The following ARMH3 variants were observed in gnomAD, a reference collection of about 807,000 sequenced individuals.
The protein encoded by ARMH3 is armadillo-like helical domain-containing protein 3.
A neutral mutation model predicts 99.1 loss-of-function variants in ARMH3; 60 were observed. That is an observed-to-expected ratio of 0.61 (90% CI 0.49 to 0.75). The LOEUF (loss-of-function observed/expected upper bound fraction) is 0.75, where lower values mean the gene tolerates loss of function less well. Among genes scored for constraint, ARMH3 ranks in the 30% least tolerant of loss-of-function variants. The probability of loss-of-function intolerance (pLI) is 0.00; values close to 1 mark genes in which losing one functional copy is unlikely to be tolerated. For synonymous variants in ARMH3, 285 were observed against 292.8 expected (o/e 0.97, Z 0.27); for missense variants, 679 against 843.1 (o/e 0.81, Z 2.41).
intron 24 of ARMH3, among the ~76,000 whole-genome samples, chr10:101,879,841 T>C (rs2067366593): frequency 6.6e-6 from 1 of 152,192 alleles, no homozygotes; most frequent in Non-Finnish European, 1.5e-5. Flanking sequence ...AGCACATCAT[T>C]GTTCAGCTGA....
At chr10:101,877,371 A>T (rs191285360) in intron 24 of ARMH3, among the ~76,000 whole-genome samples, 2,778 of 152,176 alleles carry the variant, frequency 0.018, 73 homozygotes, top group African/African-American at 0.062. Flanking sequence ...TCAAAAAAAA[A>T]TTTTTTTAGG....
intron 23 of ARMH3, among the ~76,000 whole-genome samples, chr10:101,892,320 G>T (rs2067713219): frequency 6.6e-6 from 1 of 152,120 alleles, no homozygotes; most frequent in Non-Finnish European, 1.5e-5. Flanking sequence ...AGGGCCAGGT[G>T]TGGTGGCATT....
chr10:102,018,783 C>T (rs895253445), intron 8 of ARMH3, among the ~76,000 whole-genome samples: 2 of 152,008 alleles, frequency 1.3e-5, no homozygotes, highest in African/African-American at 4.8e-5. Flanking sequence ...TGGTGAACTC[C>T]ATCTCTATCA....
intron 23 of ARMH3, among the ~76,000 whole-genome samples, chr10:101,933,248 T>A (rs1276357201): frequency 6.6e-6 from 1 of 151,994 alleles, no homozygotes; most frequent in Non-Finnish European, 1.5e-5. Flanking sequence ...TCACAAGTAA[T>A]AAAAAATAGG....
intron 20 of ARMH3, among the ~76,000 whole-genome samples, chr10:101,967,546 G>A (rs570605581): frequency 2.0e-5 from 3 of 152,248 alleles, no homozygotes; most frequent in South Asian, 2.1e-4. Flanking sequence ...AGACCAGCCC[G>A]GCCAACATGG....
rs889658012 is a variant in ARMH3 at position 101,854,415 on chromosome 10, C to T, written c.1861-4523G>A. On this transcript the variant is annotated intron_variant, in intron 24 of 25. Coordinates refer to ENST00000370033, the MANE Select transcript of ARMH3 (RefSeq NM_024541.3). ...CTCAAAAGTAACTACTTTCACAGTCCAGGAAGTACCTACCTATTTCAAACT... is the reference window on the plus strand; with the variant it reads ...CTCAAAAGTAACTACTTTCACAGTCTAGGAAGTACCTACCTATTTCAAACT... Among the ~76,000 whole-genome samples, 4 of 152,158 alleles carry T rather than the reference C, an allele frequency of 2.6e-5. No homozygotes were observed. The East Asian group carries it at 7.7e-4, about 29-fold the overall frequency.
At chr10:102,017,555 G>C (rs1171056509) in intron 8 of ARMH3, among the ~76,000 whole-genome samples, 1 of 152,164 alleles carries the variant, frequency 6.6e-6, no homozygotes, top group Non-Finnish European at 1.5e-5. Context: ...CATTACTGAT[G>C]ATAGTGTGTT....
chr10:101,886,012 G>A (rs567882961), intron 24 of ARMH3, among the ~76,000 whole-genome samples: 13 of 151,360 alleles, frequency 8.6e-5, no homozygotes, highest in Admixed American at 4.0e-4. Context: ...AGCCAAGATC[G>A]CGCCATTGCA....
intron 15 of ARMH3, among the ~76,000 whole-genome samples, chr10:101,999,081 A>T: frequency 6.6e-6 from 1 of 152,354 alleles, no homozygotes; most frequent in Admixed American, 6.5e-5. Context: ...AAGAGTGATT[A>T]ACTCTGGAGA....
chr10:102,011,600 C>A (rs548155305), intron 11 of ARMH3, 123 bp downstream of exon 11: 1 of 722,164 alleles, frequency 1.4e-6, no homozygotes, highest in South Asian at 2.2e-5. Flanking sequence ...CTGCTCTGAG[C>A]AGCCTCTCTC....
intron 1 of ARMH3, among the ~76,000 whole-genome samples, chr10:102,041,162 A>G (rs1054087858): frequency 6.8e-6 from 1 of 147,996 alleles, no homozygotes; most frequent in Non-Finnish European, 1.5e-5. Flanking sequence ...TTTCAATTCT[A>G]TATAAAAGTA....
intron 24 of ARMH3, among the ~76,000 whole-genome samples, chr10:101,882,228 A>C (rs1204662730): frequency 6.6e-6 from 1 of 152,216 alleles, no homozygotes; most frequent in East Asian, 1.9e-4. Flanking sequence ...ATGTGACTGA[A>C]AGCTTAAGGA....
At chr10:101,911,312 C>T (rs1842854972) in intron 23 of ARMH3, among the ~76,000 whole-genome samples, 1 of 152,140 alleles carries the variant, frequency 6.6e-6, no homozygotes, top group Admixed American at 6.5e-5. Flanking sequence ...ATGAAACCTC[C>T]CACATAAAAG....
intron 23 of ARMH3, among the ~76,000 whole-genome samples, chr10:101,919,179 C>CA (rs1396733356): frequency 1.3e-5 from 2 of 152,156 alleles, no homozygotes; most frequent in African/African-American, 4.8e-5. Context: ...AGATTTAACT[C>CA]AAAGAAATTC....
intron 1 of ARMH3, among the ~76,000 whole-genome samples, chr10:102,053,361 T>C (rs1330551392): frequency 6.6e-6 from 1 of 151,812 alleles, no homozygotes; most frequent in African/African-American, 2.4e-5. Flanking sequence ...TCCTCTCACA[T>C]CCTCACCAAG....
At chr10:101,931,565 C>T (rs936507065) in intron 23 of ARMH3, among the ~76,000 whole-genome samples, 4 of 151,440 alleles carry the variant, frequency 2.6e-5, no homozygotes, top group Admixed American at 2.0e-4. Flanking sequence ...TGGATATCCA[C>T]GTGCCCAAAA....
intron 8 of ARMH3, among the ~76,000 whole-genome samples, chr10:102,023,002 A>G (rs1333050318): frequency 1.3e-5 from 2 of 152,044 alleles, no homozygotes; most frequent in Non-Finnish European, 2.9e-5. Context: ...CAGCCTGACC[A>G]ACATGGAGAA....
chr10:102,013,940 G>A, intron 9 of ARMH3, 28 bp downstream of exon 9: 1 of 1,559,814 alleles, frequency 6.4e-7, no homozygotes, highest in South Asian at 1.2e-5. Flanking sequence ...AAATAAGTAA[G>A]ACAATACACA....
intron 1 of ARMH3, among the ~76,000 whole-genome samples, chr10:102,047,321 GA>G (rs1300071236): frequency 1.3e-5 from 2 of 151,920 alleles, no homozygotes; most frequent in African/African-American, 4.8e-5. Flanking sequence ...AAACAGGACA[GA>G]AAAAAGAAAT....
Sources: allele counts gnomAD v4.1 joint callset (sites outside exome capture counted in the v4.1 genomes callset), GRCh38; gene constraint gnomAD v4.1.1; transcripts MANE v1.5; gene names NCBI Gene and HGNC (gene_info 2026-07-23, HGNC 2026-07-21).